Variants in NRG3 observed in about 807,000 individuals in gnomAD.
NRG3 encodes pro-neuregulin-3, membrane-bound isoform.
A neutral mutation model predicts 66.9 loss-of-function variants in NRG3; 31 were observed. That is an observed-to-expected ratio of 0.46 (90% CI 0.35 to 0.63). NRG3 has a LOEUF of 0.63. Ranked by LOEUF, NRG3 falls within the 20% of genes least tolerant of loss-of-function variation. The probability of loss-of-function intolerance (pLI) is 0.00; values close to 1 mark genes in which losing one functional copy is unlikely to be tolerated. For synonymous variants in NRG3, 393 were observed against 359.4 expected, an observed-to-expected ratio of 1.09 and a Z score of -1.06; for missense variants, 910 against 878.9, an observed-to-expected ratio of 1.04 and a Z score of -0.45.
At chr10:82,223,932 GTGAGTC>G (rs2076057095) in intron 1 of NRG3, among the ~76,000 whole-genome samples, 1 of 152,148 alleles carries the variant, frequency 6.6e-6, no homozygotes, top group Non-Finnish European at 1.5e-5. Flanking sequence ...GAGATACAAA[GTGAGTC>G]TGTTTCCTTT....
At chr10:82,639,027 A>G (rs763973607) in intron 2 of NRG3, among the ~76,000 whole-genome samples, 1 of 152,054 alleles carries the variant, frequency 6.6e-6, no homozygotes, top group Non-Finnish European at 1.5e-5. Flanking sequence ...CATCCCCTTC[A>G]ACTCTGTCGT....
At chr10:82,165,875 G>A (rs946515308) in intron 1 of NRG3, among the ~76,000 whole-genome samples, 1 of 151,818 alleles carries the variant, frequency 6.6e-6, no homozygotes, top group African/African-American at 2.4e-5. Context: ...GCTGAGTAAA[G>A]CTAAGTACAT....
At chr10:82,154,750 A>T (rs1383827776) in intron 1 of NRG3, among the ~76,000 whole-genome samples, 4 of 151,032 alleles carry the variant, frequency 2.6e-5, no homozygotes, top group Non-Finnish European at 5.9e-5. Flanking sequence ...TATTTTATCA[A>T]TTTTTTTTGG....
At chr10:81,942,837 A>G (rs768161500) in intron 1 of NRG3, among the ~76,000 whole-genome samples, 2 of 152,210 alleles carry the variant, frequency 1.3e-5, no homozygotes, top group Non-Finnish European at 2.9e-5. Context: ...CTATGATATA[A>G]TTATCAAAAT....
chr10:81,937,523 T>C (rs1042230955), intron 1 of NRG3, among the ~76,000 whole-genome samples: 4 of 152,156 alleles, frequency 2.6e-5, no homozygotes, highest in African/African-American at 9.6e-5. Flanking sequence ...GATAATCTTT[T>C]AATATGCTTG....
intron 1 of NRG3, among the ~76,000 whole-genome samples, chr10:81,928,430 A>G (rs1171469245): frequency 7.2e-5 from 11 of 152,176 alleles, no homozygotes; most frequent in Non-Finnish European, 1.5e-4. Flanking sequence ...GGTCTTAAAA[A>G]CCTCAAAACT....
chr10:82,553,829 CATG>C (rs2044482526), intron 2 of NRG3, among the ~76,000 whole-genome samples: 1 of 152,120 alleles, frequency 6.6e-6, no homozygotes, highest in Admixed American at 6.5e-5. Context: ...CCCCTCACCT[CATG>C]ATATTTAAGT....
At chr10:82,893,695 G>T (rs941374484) in intron 4 of NRG3, among the ~76,000 whole-genome samples, 1 of 151,820 alleles carries the variant, frequency 6.6e-6, no homozygotes, top group African/African-American at 2.4e-5. Flanking sequence ...AAAAAAAAAA[G>T]AATAAATAGA....
chr10:82,540,223 A>G (rs909269974), intron 2 of NRG3, among the ~76,000 whole-genome samples: 1 of 150,026 alleles, frequency 6.7e-6, no homozygotes, highest in Non-Finnish European at 1.5e-5. Flanking sequence ...CCAGTTATCC[A>G]TGGGATTCTT....
At chr10:82,465,655 GCCAGGGC>G (rs1840598601) in intron 2 of NRG3, among the ~76,000 whole-genome samples, 1 of 152,082 alleles carries the variant, frequency 6.6e-6, no homozygotes, top group Admixed American at 6.5e-5. Context: ...GGAGCTTGAG[GCCAGGGC>G]CCAGAACCTG....
chr10:82,460,527 A>T (rs2091463323), intron 2 of NRG3, among the ~76,000 whole-genome samples: 1 of 152,056 alleles, frequency 6.6e-6, no homozygotes, highest in Non-Finnish European at 1.5e-5. Context: ...CTCTGTTTTG[A>T]TCTCTGTCTT....
At chr10:82,179,917 G>A (rs756187713) in intron 1 of NRG3, among the ~76,000 whole-genome samples, 7 of 151,726 alleles carry the variant, frequency 4.6e-5, no homozygotes, top group Non-Finnish European at 1.0e-4. Context: ...ATTTCTTTCA[G>A]TAACATTTTG....
intron 2 of NRG3, among the ~76,000 whole-genome samples, chr10:82,620,639 C>T (rs2048981540): frequency 6.6e-6 from 1 of 152,126 alleles, no homozygotes; most frequent in African/African-American, 2.4e-5. Context: ...GAAAAGGCAA[C>T]ATTCTATTGG....
intron 2 of NRG3, among the ~76,000 whole-genome samples, chr10:82,683,052 G>A (rs987266386): frequency 1.4e-4 from 21 of 147,540 alleles, no homozygotes; most frequent in African/African-American, 5.3e-4. Context: ...TCTGCCTTCC[G>A]GGTTCACGCC....
At chr10:81,880,999 A>C (rs762554640) in intron 1 of NRG3, among the ~76,000 whole-genome samples, 6 of 152,194 alleles carry the variant, frequency 3.9e-5, no homozygotes, top group Non-Finnish European at 7.3e-5. Flanking sequence ...CAATATCACA[A>C]TCAAAACTTA....
At chr10:82,515,726 A>G (rs1237647873) in intron 2 of NRG3, among the ~76,000 whole-genome samples, 2 of 152,166 alleles carry the variant, frequency 1.3e-5, no homozygotes, top group African/African-American at 4.8e-5. Flanking sequence ...TTTTTAAGCC[A>G]ATTTAGTAGC....
chr10:82,446,993 C>T (rs1189609943), intron 2 of NRG3, among the ~76,000 whole-genome samples: 1 of 152,040 alleles, frequency 6.6e-6, no homozygotes, highest in Non-Finnish European at 1.5e-5. Flanking sequence ...TGAGGGCATC[C>T]CTAGAATGCC....
At chr10:82,460,727 T>C (rs961547863) in intron 2 of NRG3, among the ~76,000 whole-genome samples, 4 of 152,112 alleles carry the variant, frequency 2.6e-5, no homozygotes, top group African/African-American at 9.7e-5. Context: ...GATATGACAC[T>C]GCAGGGGGCC....
At chr10:82,648,174 T>A (rs994070948) in intron 2 of NRG3, among the ~76,000 whole-genome samples, 1 of 152,206 alleles carries the variant, frequency 6.6e-6, no homozygotes, top group African/African-American at 2.4e-5. Context: ...CTTGAATTCA[T>A]TTTTGTGTAA....
Sources: allele counts gnomAD v4.1 joint callset (sites outside exome capture counted in the v4.1 genomes callset), GRCh38; gene constraint gnomAD v4.1.1; transcripts MANE v1.5; gene names NCBI Gene and HGNC (gene_info 2026-07-23, HGNC 2026-07-21).